PCDHA9: variants seen among roughly 807,000 people sequenced by gnomAD.
PCDHA9 encodes protocadherin alpha-9.
In PCDHA9, 62 loss-of-function variants were observed where a neutral mutation model predicts 62.0. That is an observed-to-expected ratio of 1.00 (90% CI 0.81 to 1.23). PCDHA9 has a LOEUF of 1.23. PCDHA9 is among the 50% of genes most tolerant of loss of function. PCDHA9 has a pLI of 0.00. For missense variants in PCDHA9, 1,205 were observed against 1,249.8 expected, an observed-to-expected ratio of 0.96 and a Z score of 0.54; for synonymous variants, 557 against 567.6, an observed-to-expected ratio of 0.98 and a Z score of 0.27.
At chr5:140,876,166 G>A (rs1554168317) in intron 1 of PCDHA9, 4 of 1,613,964 alleles carry the variant, frequency 2.5e-6, no homozygotes, top group Middle Eastern at 3.3e-4. Flanking sequence ...TCAAATAACC[G>A]TCCTGGATGT....
At chr5:140,877,633 C>A (rs1366996546) in intron 1 of PCDHA9, 7 of 1,613,622 alleles carry the variant, frequency 4.3e-6, no homozygotes, top group Non-Finnish European at 5.1e-6. Context: ...GTACACTGCG[C>A]TGCGTTGCTC....
chr5:140,955,216 C>T (rs2095153192), intron 1 of PCDHA9, among the ~76,000 whole-genome samples: 2 of 152,122 alleles, frequency 1.3e-5, no homozygotes, highest in East Asian at 3.9e-4. Flanking sequence ...AGCATGATGC[C>T]TCCAGCTTTG....
intron 1 of PCDHA9, chr5:140,883,108 AT>A (rs1261032162): frequency 6.2e-7 from 1 of 1,614,018 alleles, no homozygotes; most frequent in Non-Finnish European, 8.5e-7. Flanking sequence ...TAGTTTACTC[AT>A]TTAGAAGGCC....
At chr5:140,976,208 A>G (rs2096706017) in intron 1 of PCDHA9, among the ~76,000 whole-genome samples, 1 of 152,202 alleles carries the variant, frequency 6.6e-6, no homozygotes, top group Non-Finnish European at 1.5e-5. Context: ...TCAGAAGTAA[A>G]AAAGAGAAAG....
chr5:140,977,245 AC>A (rs2096751811), intron 1 of PCDHA9, among the ~76,000 whole-genome samples: 1 of 152,212 alleles, frequency 6.6e-6, no homozygotes, highest in Non-Finnish European at 1.5e-5. Context: ...AAAATTGGCA[AC>A]ATTTCTCAGC....
chr5:140,978,978 C>T lies in PCDHA9; in HGVS notation c.2424C>T (p.Tyr808=). Residue 808 remains tyrosine (Y), a synonymous_variant, in exon 2 of 4, where the codon TAC becomes TAT. Coordinates refer to ENST00000532602, the MANE Select transcript of PCDHA9 (RefSeq NM_031857.2). ...KPRQPNPDWR[Y]SASLRAGMHS... ...GACAGCCCAACCCTGACTGGCGTTA[C>T]TCTGCCTCCCTGAGAGCAGGCATGC... 1 of 1,614,204 alleles carries T rather than the reference C, an allele frequency of 6.2e-7. No homozygotes were observed. The highest frequency in any genetic ancestry group is 8.5e-7 in the Non-Finnish European group (1 of 1,180,030).
chr5:140,875,651 T>C lies in PCDHA9; in HGVS notation c.2394+24762T>C, dbSNP rs782085221. 1.4e-5 allele frequency: 23 copies of C among 1,613,722 alleles called. No homozygotes were observed. The East Asian group carries it at 5.1e-4, about 36-fold the overall frequency. On this transcript the variant is annotated intron_variant, in intron 1 of 3. Transcript: ENST00000532602. The stretch of plus-strand genomic sequence containing the variant: ...CTGGGGCTGGAGCTGGCGGAGCTGG[T>C]GCCGCGCCTGTTCCGGGTGGCGTCC...
rs187904552 is a variant in PCDHA9 at position 140,875,781 on chromosome 5, T to C, written c.2394+24892T>C. ...TGTGCGGGCGGAGCGCGGAGTGCAGTATCCACCTGGAGGTGATCGTGGACA... is the reference window on the plus strand; with the variant it reads ...TGTGCGGGCGGAGCGCGGAGTGCAGCATCCACCTGGAGGTGATCGTGGACA... On this transcript the variant is annotated intron_variant, in intron 1 of 3. Coordinates refer to ENST00000532602, the MANE Select transcript of PCDHA9 (RefSeq NM_031857.2). 4.7e-3 allele frequency: 7,631 copies of C among 1,614,134 alleles called. 28 individuals carry two copies. Among genetic ancestry groups the C allele is most frequent in the Middle Eastern group, 6.4e-3 (39 of 6,062 alleles).
chr5:140,859,351 A>T (rs2045821296), intron 1 of PCDHA9: 1 of 247,508 alleles, frequency 4.0e-6, no homozygotes, highest in Non-Finnish European at 7.7e-6. Context: ...TTTTCTACTG[A>T]TCTGATATAT....
rs1554148611 is a variant in PCDHA9, at chr5:140,856,378, C to A, written c.2394+5489C>A. 3 of 1,598,456 alleles carry A rather than the reference C, an allele frequency of 1.9e-6. 1 individual carries two copies. Among genetic ancestry groups the A allele is most frequent in the South Asian group, 2.2e-5 (2 of 90,536 alleles). ...GCATCCACCTGGAGGTGATCGTGGA[C>A]AGGCCGCTGCAGGTTTTCCATGTGG... On this transcript the variant is annotated intron_variant, in intron 1 of 3. Coordinates refer to ENST00000532602, the MANE Select transcript of PCDHA9 (RefSeq NM_031857.2).
At position 140,870,363 on chromosome 5, in the gene PCDHA9, T is replaced by C. The variant is rs782093088; in HGVS notation, c.2394+19474T>C. 1.9e-6 allele frequency: 3 copies of C among 1,614,206 alleles called. No homozygotes were observed. The South Asian group carries it at 3.3e-5, about 18-fold the overall frequency. On this transcript the variant is annotated intron_variant, in intron 1 of 3. Transcript: ENST00000532602. ...TGGACCGCGAGAACGTGTGGGCCTA[T>C]GAACTGGTGGTGACTGCGCGGGATG...
Position 140,857,251 on chromosome 5 carries a change from G to T in PCDHA9, c.2394+6362G>T, listed in dbSNP as rs1554149715. The T allele has an allele frequency of 1.9e-6, 3 of 1,598,606 alleles. No individual in the cohort carries two copies. In the Admixed American group the frequency reaches 5.1e-5, roughly 27 times the overall value. ...CGTTCAAGCTGGTGTCCACCTACAA[G>T]AATTACTACTCATTGGTGCTGGACA... is the stretch of plus-strand genomic sequence containing the variant. On this transcript the variant is annotated intron_variant, in intron 1 of 3. Coordinates refer to ENST00000532602, the MANE Select transcript of PCDHA9 (RefSeq NM_031857.2).
intron 1 of PCDHA9, among the ~76,000 whole-genome samples, chr5:140,892,628 T>C (rs1554185308): frequency 6.6e-6 from 1 of 152,166 alleles, no homozygotes; most frequent in African/African-American, 2.4e-5. Flanking sequence ...TGGTACATAA[T>C]AATTGTACAT....
intron 1 of PCDHA9, among the ~76,000 whole-genome samples, chr5:140,872,191 T>A (rs1168972133): frequency 1.3e-5 from 2 of 152,162 alleles, no homozygotes; most frequent in Non-Finnish European, 1.5e-5. Flanking sequence ...GTGTTAAACG[T>A]TCATCATAAA....
intron 1 of PCDHA9, among the ~76,000 whole-genome samples, chr5:140,918,094 T>C (rs1001602407): frequency 1.3e-5 from 2 of 152,188 alleles, no homozygotes; most frequent in East Asian, 1.9e-4. Context: ...ATTCTTTTTA[T>C]AGAGATCTTT....
At chr5:140,927,195 C>T in intron 1 of PCDHA9, 1 of 1,614,118 alleles carries the variant, frequency 6.2e-7, no homozygotes, top group Non-Finnish European at 8.5e-7. Flanking sequence ...ACCTGGTGCT[C>T]GAGGACCCGC....
rs1434426263 is a variant in PCDHA9, at chr5:140,852,473, T to A, written c.2394+1584T>A. On this transcript the variant is annotated intron_variant, in intron 1 of 3. Coordinates refer to ENST00000532602, the MANE Select transcript of PCDHA9 (RefSeq NM_031857.2). ...TTGTATTTTTAGTAGAGATGGGGTT[T>A]CATCATGTTGGCCAGGTTGGTCTCG... 6 of 195,480 alleles carry A rather than the reference T, an allele frequency of 3.1e-5. 1 individual carries two copies. The highest frequency in any genetic ancestry group is 6.2e-5 in the Non-Finnish European group (6 of 97,540). 12.1% of individuals were successfully genotyped at this position (195,480 alleles called of 1,614,324 possible). A position where few individuals can be genotyped will look rare whatever the true frequency, so the allele number is the denominator to read the frequency against.
At chr5:140,989,462 G>A (rs531421005) in intron 3 of PCDHA9, among the ~76,000 whole-genome samples, 27 of 152,326 alleles carry the variant, frequency 1.8e-4, no homozygotes, top group Non-Finnish European at 2.9e-4. Context: ...GTTAGGCTTG[G>A]AACTCCTCCT....
At chr5:140,875,271 C>A (rs1256076154) in intron 1 of PCDHA9, 2 of 1,256,362 alleles carry the variant, frequency 1.6e-6, no homozygotes, top group Non-Finnish European at 2.1e-6. Flanking sequence ...GCTCTACACT[C>A]AGAAGGTGAA....
Sources: allele counts gnomAD v4.1 joint callset (sites outside exome capture counted in the v4.1 genomes callset), GRCh38; gene constraint gnomAD v4.1.1; transcripts MANE v1.5; gene names NCBI Gene and HGNC (gene_info 2026-07-23, HGNC 2026-07-21).